Variants in ABCA4 observed in about 807,000 individuals in gnomAD.
ABCA4 encodes the protein ATP binding cassette subfamily A member 4, also known as retinal-specific phospholipid-transporting ATPase ABCA4.
Under a neutral mutation model 263.7 loss-of-function variants are expected in ABCA4, and 196 were observed. That is an observed-to-expected ratio of 0.74 (90% CI 0.66 to 0.84). ABCA4 has a LOEUF of 0.84. ABCA4 is among the 40% of genes least tolerant of loss of function. The probability of loss-of-function intolerance (pLI) is 0.00; values close to 1 mark genes in which losing one functional copy is unlikely to be tolerated. For synonymous variants in ABCA4, 1,133 were observed against 1,094.2 expected (o/e 1.04, Z -0.70); for missense variants, 2,792 against 2,855.1 (o/e 0.98, Z 0.50).
rs1659408419 is a variant in ABCA4, at chr1:94,007,030, G to A, written c.6005+604C>T. 1.3e-5 allele frequency among the ~76,000 whole-genome samples: 2 copies of A among 152,138 alleles called. 1 individual carries two copies. Among genetic ancestry groups the A allele is most frequent in the South Asian group, 4.1e-4 (2 of 4,824 alleles). On this transcript the variant is annotated intron_variant, in intron 43 of 49. Coordinates refer to ENST00000370225, the MANE Select transcript of ABCA4 (RefSeq NM_000350.3). The stretch of plus-strand genomic sequence containing the variant: ...CAGCAGTCACCCTCCAGAATCCAAG[G>A]GCACACGCCAGTTTTCCCTCTATGC...
chr1:94,121,140 G>A lies in ABCA4; in HGVS notation c.-95C>T, dbSNP rs1429558852. On this transcript the variant is annotated 5_prime_UTR_variant, in exon 1 of 50. Transcript: ENST00000370225. ...GTTAAGAGCGCCTCTGGCTCCGGAC[G>A]CTGTGTCCTTCTCCTGGTGATTAAA... The A allele has an allele frequency of 5.5e-6, 6 of 1,086,194 alleles. No individual in the cohort carries two copies. The highest frequency in any genetic ancestry group is 3.4e-5 in the Admixed American group (2 of 58,952). 67.3% of individuals were successfully genotyped at this position (1,086,194 alleles called of 1,614,324 possible). A position where few individuals can be genotyped will look rare whatever the true frequency, so the allele number is the denominator to read the frequency against.
At chr1:94,028,906 CAAA>C (rs34738807) in intron 30 of ABCA4, among the ~76,000 whole-genome samples, 2 of 37,654 alleles carry the variant, frequency 5.3e-5, no homozygotes, top group African/African-American at 1.7e-4. Flanking sequence ...GACTCTGTCT[CAAA>C]AAAAAAAAAA....
At chr1:94,076,748 T>C (rs1661546954) in intron 11 of ABCA4, among the ~76,000 whole-genome samples, 1 of 152,158 alleles carries the variant, frequency 6.6e-6, no homozygotes, top group Admixed American at 6.5e-5. Context: ...GAGAAATGCC[T>C]GGGCCAACAG....
intron 13 of ABCA4, among the ~76,000 whole-genome samples, chr1:94,061,109 A>C (rs953782579): frequency 6.6e-6 from 1 of 152,206 alleles, no homozygotes; most frequent in Non-Finnish European, 1.5e-5. Flanking sequence ...ATCTGAGTAG[A>C]CAGCTACATG....
At chr1:94,000,521 G>A (rs1659143955) in intron 47 of ABCA4, among the ~76,000 whole-genome samples, 1 of 152,186 alleles carries the variant, frequency 6.6e-6, no homozygotes, top group South Asian at 2.1e-4. Context: ...GATCTGTTGA[G>A]ATAAGTGGTG....
chr1:94,103,499 A>G (rs1352902570), intron 4 of ABCA4, among the ~76,000 whole-genome samples: 1 of 152,160 alleles, frequency 6.6e-6, no homozygotes, highest in Non-Finnish European at 1.5e-5. Flanking sequence ...AGATCTAAAG[A>G]CATTTCTGGG....
intron 47 of ABCA4, 149 bp downstream of exon 47, chr1:94,000,687 T>C (rs1659149028): frequency 4.8e-6 from 4 of 836,548 alleles, no homozygotes; most frequent in Non-Finnish European, 6.2e-6. Flanking sequence ...GCCTTCTCCA[T>C]CTGCTGCTGG....
intron 10 of ABCA4, among the ~76,000 whole-genome samples, chr1:94,078,269 T>C (rs1661591674): frequency 6.6e-6 from 1 of 152,256 alleles, no homozygotes; most frequent in African/African-American, 2.4e-5. Flanking sequence ...TCTTTGGAGT[T>C]ACAGAGCTGG....
chr1:94,113,593 G>A (rs1041263570), intron 1 of ABCA4, among the ~76,000 whole-genome samples: 6 of 152,212 alleles, frequency 3.9e-5, no homozygotes, highest in Admixed American at 6.5e-5. Context: ...TGTTTCTGGG[G>A]CCAGTGTCCT....
intron 6 of ABCA4, among the ~76,000 whole-genome samples, chr1:94,093,849 T>C (rs960458660): frequency 1.3e-5 from 2 of 152,238 alleles, no homozygotes; most frequent in African/African-American, 4.8e-5. Flanking sequence ...TAGGTAAAGA[T>C]TTTTGTAGAT....
chr1:94,070,409 A>G (rs1570400039), intron 11 of ABCA4, among the ~76,000 whole-genome samples: 2 of 152,140 alleles, frequency 1.3e-5, no homozygotes, highest in South Asian at 4.2e-4. Flanking sequence ...CAGCCCATCC[A>G]TTTCTCTTGA....
In ABCA4 at chr1:94,063,213, G is replaced by A. The variant is rs61752396; in HGVS notation, c.1659C>T (p.Phe553=). ...AGCTGGTCCAGGGATACATGTCAGG[G>A]AATACCACTCCGGCCCAGAACATGT... The part of the protein sequence containing the change: ...EENMFWAGVV[F]PDMYPWTSSL... The change falls in exon 12 of 50, where the codon TTC becomes TTT. Residue 553 remains phenylalanine, a synonymous_variant. Coordinates refer to ENST00000370225, the MANE Select transcript of ABCA4 (RefSeq NM_000350.3). 2 of 1,614,012 alleles carry A rather than the reference G, an allele frequency of 1.2e-6. No individual in the cohort carries two copies. Among genetic ancestry groups the A allele is most frequent in the East Asian group, 2.2e-5 (1 of 44,888 alleles).
chr1:94,119,238 G>A (rs1329080908), intron 1 of ABCA4, among the ~76,000 whole-genome samples: 1 of 152,138 alleles, frequency 6.6e-6, no homozygotes, highest in Non-Finnish European at 1.5e-5. Flanking sequence ...AAAGGACTGA[G>A]TTTCTGATTA....
At chr1:94,045,928 G>T (rs767799670) in intron 19 of ABCA4, 3 of 456,136 alleles carry the variant, frequency 6.6e-6, no homozygotes, top group African/African-American at 6.0e-5. Context: ...AGCAGATGGC[G>T]CTCGGGTCCC....
At chr1:94,023,344 A>C in intron 32 of ABCA4, 42 bp downstream of exon 32, 2 of 1,518,668 alleles carry the variant, frequency 1.3e-6, no homozygotes, top group South Asian at 2.3e-5. Context: ...TTCAACAATG[A>C]ATCAATCTGA....
At chr1:94,108,305 CT>C (rs1357643952) in intron 4 of ABCA4, among the ~76,000 whole-genome samples, 1 of 152,188 alleles carries the variant, frequency 6.6e-6, no homozygotes, top group African/African-American at 2.4e-5. Flanking sequence ...TAGCCTCATA[CT>C]TCCCATAGTG....
chr1:94,115,744 G>A (rs1209874703), intron 1 of ABCA4, among the ~76,000 whole-genome samples: 1 of 152,156 alleles, frequency 6.6e-6, no homozygotes, highest in Admixed American at 6.5e-5. Context: ...GCCTTACAGG[G>A]TTGTCGCAAG....
rs1661634491 is a variant in ABCA4 at position 94,079,599 on chromosome 1, G to T, written c.1100-138C>A. The T allele has an allele frequency of 7.1e-6, 9 of 1,264,534 alleles. No individual in the cohort carries two copies. The Admixed American group carries it at 1.5e-4, about 21-fold the overall frequency. 78.3% of individuals were successfully genotyped at this position (1,264,534 alleles called of 1,614,324 possible). A position where few individuals can be genotyped will look rare whatever the true frequency, so the allele number is the denominator to read the frequency against. ...GATGAATAACCTAAATTAATAGGCTGTACCCCACCAATAACAAGCTCATCA... is the reference window on the plus strand; with the variant it reads ...GATGAATAACCTAAATTAATAGGCTTTACCCCACCAATAACAAGCTCATCA... On this transcript the variant is annotated intron_variant, in intron 8 of 49. Transcript: ENST00000370225.
chr1:94,026,762 G>C (rs1192967954), intron 30 of ABCA4, among the ~76,000 whole-genome samples: 1 of 152,232 alleles, frequency 6.6e-6, no homozygotes, highest in Non-Finnish European at 1.5e-5. Context: ...TGTTAGAGCA[G>C]GGAGGGTCCC....
Sources: gnomAD v4.1 joint callset for allele counts (sites outside exome capture counted in the v4.1 genomes callset) on GRCh38, gnomAD v4.1.1 for gene constraint, MANE v1.5 for transcripts, NCBI Gene and HGNC (gene_info 2026-07-23, HGNC 2026-07-21) for gene names.